The following PIGF variants were observed in gnomAD, a reference collection of about 807,000 sequenced individuals.
The protein encoded by PIGF is GPI ethanolamine phosphate transferase, stabilizing subunit.
PIGF carries 23 observed loss-of-function variants against 26.0 expected under a neutral mutation model. That is an observed-to-expected ratio of 0.88 (90% CI 0.64 to 1.25). PIGF has a LOEUF of 1.25. Ranked by LOEUF, PIGF falls within the 50% of genes most tolerant of loss-of-function variation. The pLI is 0.00. For synonymous variants in PIGF, 93 were observed against 92.6 expected (o/e 1.00, Z -0.03); for missense variants, 278 against 249.9 (o/e 1.11, Z -0.76).
At chr2:46,603,596 T>C (rs1044421351) in intron 4 of PIGF, among the ~76,000 whole-genome samples, 2 of 151,890 alleles carry the variant, frequency 1.3e-5, no homozygotes, top group Non-Finnish European at 2.9e-5. Flanking sequence ...GCCAAGAACA[T>C]ACACCGGGGA....
chr2:46,586,356 A>C (rs1669571255), intron 5 of PIGF, among the ~76,000 whole-genome samples: 1 of 152,216 alleles, frequency 6.6e-6, no homozygotes, highest in South Asian at 2.1e-4. Flanking sequence ...CCCCTACCTT[A>C]ACCCAGCAGT....
At chr2:46,598,887 A>C (rs17818399) in intron 4 of PIGF, among the ~76,000 whole-genome samples, 44,433 of 152,164 alleles carry the variant, frequency 0.29, 6,744 homozygotes, top group Admixed American at 0.35. Flanking sequence ...TGAAACATTA[A>C]AACAGCTGAC....
Position 46,581,197 on chromosome 2 carries a change from A to G in PIGF, c.*281T>C, listed in dbSNP as rs1669355170. 9.0e-6 allele frequency: 9 copies of G among 994,564 alleles called. No homozygotes were observed. The highest frequency in any genetic ancestry group is 1.3e-5 in the Non-Finnish European group (9 of 692,460). 61.6% of individuals were successfully genotyped at this position (994,564 alleles called of 1,614,324 possible). On this transcript the variant is annotated 3_prime_UTR_variant, in exon 6 of 6. Coordinates refer to ENST00000281382, the MANE Select transcript of PIGF (RefSeq NM_002643.4). ...TGAAGCAGTTCAAAACTTGAAAGAAAACAAAACCTGTCCTCAGAATTCTAT... is the reference window on the plus strand; with the variant it reads ...TGAAGCAGTTCAAAACTTGAAAGAAGACAAAACCTGTCCTCAGAATTCTAT...
intron 4 of PIGF, among the ~76,000 whole-genome samples, chr2:46,598,376 A>G (rs193223035): frequency 6.7e-4 from 102 of 152,280 alleles, no homozygotes; most frequent in African/African-American, 1.9e-3. Context: ...TTAAAACACC[A>G]TGTATGTAAT....
At position 46,591,949 on chromosome 2, in the gene PIGF, C is replaced by G. The variant is rs1365713132; in HGVS notation, c.546+526G>C. 4.6e-6 allele frequency: 6 copies of G among 1,303,078 alleles called. No individual in the cohort carries two copies. In the East Asian group the frequency reaches 2.8e-4, roughly 60 times the overall value. The allele number at this position is 1,303,078 out of a possible 1,614,324, so 80.7% of individuals were successfully genotyped here. ...TTCTAAAAATTTCAAGAGGAACATT[C>G]AATTTGGCCATCAATCAAGTTCAGA... is the stretch of plus-strand genomic sequence containing the variant. On this transcript the variant is annotated intron_variant, in intron 5 of 5. Coordinates refer to ENST00000281382, the MANE Select transcript of PIGF (RefSeq NM_002643.4).
rs1669632153 is a variant in PIGF, at chr2:46,588,087, T to C, written c.546+4388A>G. On this transcript the variant is annotated intron_variant, in intron 5 of 5. Coordinates refer to ENST00000281382, the MANE Select transcript of PIGF (RefSeq NM_002643.4). This position sits in a 1 kb window ranked among gnomAD's most constrained non-coding sequence, Gnocchi z 4.1. ...GAGTAAAACCTACCTTGCACTACGG[T>C]TGTCAGGATTAAGTTACTCATTTCA... The C allele has an allele frequency of 3.8e-6, 6 of 1,592,256 alleles. No individual in the cohort carries two copies. Among genetic ancestry groups the C allele is most frequent in the East Asian group, 4.5e-5 (2 of 44,016 alleles).
intron 4 of PIGF, among the ~76,000 whole-genome samples, chr2:46,601,506 A>AT (rs1337615998): frequency 6.6e-6 from 1 of 152,088 alleles, no homozygotes; most frequent in African/African-American, 2.4e-5. Flanking sequence ...AATAGATTTA[A>AT]TTTTTTGAAC....
In PIGF at chr2:46,592,393, CAT is replaced by C. The variant is rs1437494965; in HGVS notation, c.546+80_546+81del. 3 of 750,610 alleles carry C rather than the reference CAT, an allele frequency of 4.0e-6. 1 individual carries two copies. The highest frequency in any genetic ancestry group is 3.9e-5 in the Admixed American group (2 of 51,576). The allele number at this position is 750,610 out of a possible 1,614,324, so 46.5% of individuals were successfully genotyped here. ...CTTAATTGAACAACAAAACAATTTACATATACACACTAGTTTGCTTCATCTGT... is the reference window on the plus strand; with the variant it reads ...CTTAATTGAACAACAAAACAATTTACATACACACTAGTTTGCTTCATCTGT... On this transcript the variant is annotated intron_variant, in intron 5 of 5. Transcript: ENST00000281382.
At chr2:46,607,505 T>G (rs1670261868) in intron 4 of PIGF, among the ~76,000 whole-genome samples, 1 of 152,356 alleles carries the variant, frequency 6.6e-6, no homozygotes, top group South Asian at 2.1e-4. Flanking sequence ...TACTGTATCA[T>G]AGTCTATTAA....
intron 4 of PIGF, among the ~76,000 whole-genome samples, chr2:46,593,537 T>C (rs1669788087): frequency 6.6e-6 from 1 of 152,242 alleles, no homozygotes; most frequent in Admixed American, 6.5e-5. Context: ...GATCTGGTGA[T>C]TCTGCCTACC....
chr2:46,605,308 TAA>T (rs1193493501), intron 4 of PIGF, among the ~76,000 whole-genome samples: 1 of 152,082 alleles, frequency 6.6e-6, no homozygotes, highest in Non-Finnish European at 1.5e-5. Context: ...GGTGGAAACA[TAA>T]AGACTTAGAT....
intron 5 of PIGF, among the ~76,000 whole-genome samples, chr2:46,586,031 C>A (rs1669561187): frequency 6.6e-6 from 1 of 152,212 alleles, no homozygotes; most frequent in East Asian, 1.9e-4. Context: ...GCCTCAGCCT[C>A]CCAAAGTGCT....
At position 46,581,472 on chromosome 2, in the gene PIGF, C is replaced by CT; in HGVS notation, c.*5dup. Reference sequence around the variant, plus strand: ...CTGCACAAAGAAATATCTCCCTTTGCTCCAGTTAATTGTTCTTGTATGTAA... The same window carrying CT: ...CTGCACAAAGAAATATCTCCCTTTGCTTCCAGTTAATTGTTCTTGTATGTAA... On this transcript the variant is annotated 3_prime_UTR_variant, in exon 6 of 6. Transcript: ENST00000281382. 1 of 1,609,950 alleles carries CT rather than the reference C, an allele frequency of 6.2e-7. No homozygotes were observed. The highest frequency in any genetic ancestry group is 8.5e-7 in the Non-Finnish European group (1 of 1,178,740).
chr2:46,598,778 G>A lies in PIGF; in HGVS notation c.438-6195C>T, dbSNP rs1374239108. ...ATTGTGGCAATGGCTGTACAACTGTGCCTATACTAAAAACCACTGAATTAT... is the reference window on the plus strand; with the variant it reads ...ATTGTGGCAATGGCTGTACAACTGTACCTATACTAAAAACCACTGAATTAT... On this transcript the variant is annotated intron_variant, in intron 4 of 5. Coordinates refer to ENST00000281382, the MANE Select transcript of PIGF (RefSeq NM_002643.4). Among the ~76,000 whole-genome samples the A allele has an allele frequency of 2.6e-5, 4 of 152,054 alleles. 1 individual carries two copies. Among genetic ancestry groups the A allele is most frequent in the Non-Finnish European group, 5.9e-5 (4 of 68,030 alleles).
chr2:46,584,440 C>A (rs1237931668), intron 5 of PIGF, among the ~76,000 whole-genome samples: 1 of 152,126 alleles, frequency 6.6e-6, no homozygotes, highest in African/African-American at 2.4e-5. Context: ...ATTTGGGTTA[C>A]TAAATTGTAT....
intron 4 of PIGF, among the ~76,000 whole-genome samples, chr2:46,604,327 C>T (rs1670150261): frequency 6.6e-6 from 1 of 151,878 alleles, no homozygotes; most frequent in South Asian, 2.1e-4. Context: ...ACAGATCTAC[C>T]ATATGATCCA....
At chr2:46,603,531 T>C (rs972621351) in intron 4 of PIGF, among the ~76,000 whole-genome samples, 3 of 151,750 alleles carry the variant, frequency 2.0e-5, no homozygotes, top group African/African-American at 7.3e-5. Flanking sequence ...ATAGAACAAA[T>C]AGAGAACCCA....
chr2:46,600,071 ATGG>A (rs760441558), intron 4 of PIGF, among the ~76,000 whole-genome samples: 34 of 152,246 alleles, frequency 2.2e-4, no homozygotes, highest in Non-Finnish European at 4.6e-4. Context: ...AATTTAATAA[ATGG>A]TGGTTCTATA....
chr2:46,588,270 TC>T lies in PIGF; in HGVS notation c.546+4204del. The T allele has an allele frequency of 3.3e-6, 5 of 1,515,614 alleles. No individual in the cohort carries two copies. Among genetic ancestry groups the T allele is most frequent in the Non-Finnish European group, 4.4e-6 (5 of 1,126,324 alleles). 93.9% of individuals were successfully genotyped at this position (1,515,614 alleles called of 1,614,324 possible). ...ACCAGAGAAATAGATAAATTAACAG[TC>T]CACTCTACCAACTGAAAGACTGCTG... On this transcript the variant is annotated intron_variant, in intron 5 of 5. Coordinates refer to ENST00000281382, the MANE Select transcript of PIGF (RefSeq NM_002643.4). This position sits in a 1 kb window ranked among gnomAD's most constrained non-coding sequence, Gnocchi z 4.1.
Sources: allele counts gnomAD v4.1 joint callset (sites outside exome capture counted in the v4.1 genomes callset), GRCh38; gene constraint gnomAD v4.1.1; non-coding constraint Gnocchi (gnomAD v3.1); transcripts MANE v1.5; gene names NCBI Gene and HGNC (gene_info 2026-07-23, HGNC 2026-07-21).